TMCO4: variants seen among roughly 807,000 people sequenced by gnomAD.
TMCO4 encodes the protein transmembrane and coiled-coil domains 4.
A neutral mutation model predicts 64.7 loss-of-function variants in TMCO4; 58 were observed. The observed-to-expected ratio is 0.90, with a 90% CI of 0.73 to 1.12. The LOEUF is 1.12. TMCO4 is among the 50% of genes most tolerant of loss of function. The pLI is 0.00. For synonymous variants in TMCO4, 325 were observed against 346.1 expected (o/e 0.94, Z 0.68); for missense variants, 780 against 825.9 (o/e 0.94, Z 0.68).
At chr1:19,685,984 C>A (rs1326214750) in intron 15 of TMCO4, among the ~76,000 whole-genome samples, 2 of 152,108 alleles carry the variant, frequency 1.3e-5, no homozygotes, top group Admixed American at 1.3e-4. Context: ...ACCTCGGCCT[C>A]CCAAAGTGCT....
Position 19,700,794 on chromosome 1 carries a change from G to C in TMCO4, c.1356C>G (p.Ser452=), listed in dbSNP as rs138938855. ...KHWEPFRKVV[S]GRIINGYCRG... ...TGCAGTAGCCGTTGATGATCCTCCC[G>C]GACACCACCTTCCGGAAAGGCTCCC... The change falls in exon 14 of 16, where the codon TCC becomes TCG. Residue 452 remains serine (S), a synonymous_variant. Transcript: ENST00000294543. 1.9e-6 allele frequency: 3 copies of C among 1,614,162 alleles called. No homozygotes were observed. Among genetic ancestry groups the C allele is most frequent in the Admixed American group, 3.3e-5 (2 of 60,030 alleles).
chr1:19,781,863 G>A (rs1000224458), intron 3 of TMCO4, among the ~76,000 whole-genome samples: 2 of 152,136 alleles, frequency 1.3e-5, no homozygotes, highest in Admixed American at 6.6e-5. Flanking sequence ...AGCCAGGATG[G>A]TCTCCATCTC....
At chr1:19,701,988 G>C (rs2095275284) in intron 13 of TMCO4, among the ~76,000 whole-genome samples, 1 of 151,982 alleles carries the variant, frequency 6.6e-6, no homozygotes, top group Non-Finnish European at 1.5e-5. Flanking sequence ...TTATTTCTTT[G>C]AGACAGAGTC....
intron 13 of TMCO4, among the ~76,000 whole-genome samples, chr1:19,707,256 A>G (rs2095307444): frequency 6.6e-6 from 1 of 152,224 alleles, no homozygotes; most frequent in Non-Finnish European, 1.5e-5. Flanking sequence ...TGGATCCTTC[A>G]TAAATGGCTT....
chr1:19,746,846 C>T (rs1231254876), intron 8 of TMCO4, among the ~76,000 whole-genome samples: 1 of 151,164 alleles, frequency 6.6e-6, no homozygotes. Context: ...ATGGCATGAA[C>T]CTCGGAGGCG....
chr1:19,722,204 CCT>C (rs1009072106), intron 13 of TMCO4, among the ~76,000 whole-genome samples: 3 of 152,114 alleles, frequency 2.0e-5, no homozygotes, highest in African/African-American at 7.2e-5. Flanking sequence ...CTTTTGGAAC[CCT>C]GAGTCTAGGA....
At chr1:19,711,573 C>T (rs1034936855) in intron 13 of TMCO4, among the ~76,000 whole-genome samples, 5 of 152,034 alleles carry the variant, frequency 3.3e-5, no homozygotes, top group South Asian at 2.1e-4. Flanking sequence ...ACTGCAGCCT[C>T]GACTTCCCAG....
At chr1:19,788,036 C>T (rs534447884) in intron 2 of TMCO4, among the ~76,000 whole-genome samples, 2 of 152,256 alleles carry the variant, frequency 1.3e-5, no homozygotes, top group Admixed American at 1.3e-4. Flanking sequence ...GGATTACAGG[C>T]GTGAGCCACT....
At chr1:19,774,110 C>T (rs1407014870) in intron 4 of TMCO4, among the ~76,000 whole-genome samples, 1 of 152,210 alleles carries the variant, frequency 6.6e-6, no homozygotes, top group Non-Finnish European at 1.5e-5. Context: ...TTATAATTTG[C>T]CCCACTGCAA....
chr1:19,762,370 G>A (rs1446579396), intron 6 of TMCO4, among the ~76,000 whole-genome samples: 18 of 152,138 alleles, frequency 1.2e-4, no homozygotes, highest in Admixed American at 9.8e-4. Context: ...GAGGGATCTC[G>A]GCTCTGCCAC....
chr1:19,744,369 C>A (rs1034392548), intron 10 of TMCO4, among the ~76,000 whole-genome samples: 3 of 152,188 alleles, frequency 2.0e-5, no homozygotes, highest in African/African-American at 7.2e-5. Context: ...CAACGAGAAA[C>A]CACGTGATGT....
intron 4 of TMCO4, among the ~76,000 whole-genome samples, chr1:19,777,013 C>T (rs1225657488): frequency 1.3e-4 from 15 of 118,072 alleles, no homozygotes; most frequent in African/African-American, 3.1e-4. Context: ...GGCCACAGAA[C>T]GAGACACTGT....
chr1:19,756,681 C>T (rs75491342), intron 6 of TMCO4, among the ~76,000 whole-genome samples: 7 of 151,934 alleles, frequency 4.6e-5, no homozygotes, highest in African/African-American at 1.7e-4. Flanking sequence ...TAAGTTCTTA[C>T]CCAGAAGAAT....
At chr1:19,783,741 T>C (rs1318555946) in intron 3 of TMCO4, among the ~76,000 whole-genome samples, 1 of 152,220 alleles carries the variant, frequency 6.6e-6, no homozygotes, top group Non-Finnish European at 1.5e-5. Flanking sequence ...ACCAGACTTT[T>C]GACTCCAAAC....
At chr1:19,702,119 GCCA>G (rs2095276460) in intron 13 of TMCO4, among the ~76,000 whole-genome samples, 1 of 151,578 alleles carries the variant, frequency 6.6e-6, no homozygotes, top group East Asian at 2.0e-4. Flanking sequence ...ATAGGTGCCC[GCCA>G]CCACACCCGG....
At chr1:19,749,865 T>G (rs2041952306) in intron 7 of TMCO4, among the ~76,000 whole-genome samples, 1 of 152,206 alleles carries the variant, frequency 6.6e-6, no homozygotes, top group African/African-American at 2.4e-5. Flanking sequence ...TGTAAGCTGC[T>G]GAGACTTATT....
intron 13 of TMCO4, among the ~76,000 whole-genome samples, chr1:19,716,862 G>GCCAGCCT (rs781708813): frequency 4.6e-5 from 7 of 152,154 alleles, no homozygotes; most frequent in Non-Finnish European, 8.8e-5. Context: ...TGCTGGAGCC[G>GCCAGCCT]CCAGCCTCAA....
intron 7 of TMCO4, among the ~76,000 whole-genome samples, chr1:19,752,314 C>T (rs2042054871): frequency 6.6e-6 from 1 of 152,176 alleles, no homozygotes; most frequent in Non-Finnish European, 1.5e-5. Flanking sequence ...GCAACCCACA[C>T]CGTCGTAGTC....
At chr1:19,709,681 G>T (rs1485052314) in intron 13 of TMCO4, among the ~76,000 whole-genome samples, 1 of 151,842 alleles carries the variant, frequency 6.6e-6, no homozygotes, top group Non-Finnish European at 1.5e-5. Context: ...CAGGGGCAGG[G>T]AATGAAACCG....
Sources: gnomAD v4.1 joint callset for allele counts (sites outside exome capture counted in the v4.1 genomes callset) on GRCh38, gnomAD v4.1.1 for gene constraint, MANE v1.5 for transcripts, NCBI Gene and HGNC (gene_info 2026-07-23, HGNC 2026-07-21) for gene names.